Variants in IGSF11 observed in about 807,000 individuals in gnomAD.
The protein encoded by IGSF11 is CXADR like 1.
IGSF11 carries 22 observed loss-of-function variants against 41.0 expected under a neutral mutation model. The observed-to-expected ratio is 0.54, with a 90% CI of 0.38 to 0.77. IGSF11 has a LOEUF of 0.77. Among genes scored for constraint, IGSF11 ranks in the 30% least tolerant of loss-of-function variants. The pLI, the probability that IGSF11 is intolerant of heterozygous loss-of-function variation, is 0.00. For missense variants in IGSF11, 444 were observed against 530.8 expected, an observed-to-expected ratio of 0.84 and a Z score of 1.61; for synonymous variants, 219 against 201.3, an observed-to-expected ratio of 1.09 and a Z score of -0.74.
rs559209240 is a variant in IGSF11, at chr3:119,053,964, A to G, written c.49+51180T>C. Among the ~76,000 whole-genome samples, 17 of 152,316 alleles carry G rather than the reference A, an allele frequency of 1.1e-4. 1 individual carries two copies. In the South Asian group the frequency reaches 2.9e-3, roughly 26 times the overall value. On this transcript the variant is annotated intron_variant, in intron 1 of 6. Coordinates refer to the IGSF11 transcript ENST00000354673. The stretch of plus-strand genomic sequence containing the variant: ...GGTGCTGGGATAAATGGCAAGCCAC[A>G]TGTAGAAGAATGAAACTGGATCCTC...
At chr3:119,008,634 T>A (rs995120013) in intron 1 of IGSF11, among the ~76,000 whole-genome samples, 1 of 152,150 alleles carries the variant, frequency 6.6e-6, no homozygotes, top group Non-Finnish European at 1.5e-5. Context: ...GTCCACAGAG[T>A]GTTCCTGAAT....
chr3:119,073,274 C>T (rs1363146193), intron 1 of IGSF11, among the ~76,000 whole-genome samples: 6 of 152,234 alleles, frequency 3.9e-5, no homozygotes, highest in Non-Finnish European at 7.3e-5. Flanking sequence ...GATTTACAAT[C>T]CTCCAGCTAG....
chr3:119,113,244 C>G lies in IGSF11; in HGVS notation c.-13-8039G>C, dbSNP rs933444284. Among the ~76,000 whole-genome samples the G allele has an allele frequency of 9.2e-5, 14 of 152,282 alleles. No individual in the cohort carries two copies. In the East Asian group the frequency reaches 1.4e-3, roughly 15 times the overall value. Reference sequence around the variant, plus strand: ...TCTCCCATTTCATAATACAATTATGCCTTCCCAATAGTCCCCCAAAGTCTT... The same window carrying G: ...TCTCCCATTTCATAATACAATTATGGCTTCCCAATAGTCCCCCAAAGTCTT... On this transcript the variant is annotated intron_variant, in intron 1 of 7. Coordinates refer to the IGSF11 transcript ENST00000425327.
chr3:119,000,614 T>A (rs1936724274), intron 1 of IGSF11, among the ~76,000 whole-genome samples: 1 of 152,118 alleles, frequency 6.6e-6, no homozygotes, highest in Admixed American at 6.6e-5. Context: ...TCAAACCACT[T>A]CTCTTTCATC....
At chr3:119,015,483 C>T (rs1004916321) in intron 1 of IGSF11, among the ~76,000 whole-genome samples, 3 of 152,124 alleles carry the variant, frequency 2.0e-5, no homozygotes, top group Non-Finnish European at 4.4e-5. Flanking sequence ...ATATTTACCA[C>T]GACTTAAGGA....
intron 1 of IGSF11, among the ~76,000 whole-genome samples, chr3:119,049,115 C>G (rs1430744265): frequency 5.9e-4 from 90 of 151,852 alleles, no homozygotes; most frequent in African/African-American, 2.1e-3. Context: ...TCTCACCACT[C>G]CTGTTCAACA....
At chr3:118,908,760 T>C (rs1939910958) in intron 4 of IGSF11, among the ~76,000 whole-genome samples, 1 of 152,180 alleles carries the variant, frequency 6.6e-6, no homozygotes, top group African/African-American at 2.4e-5. Flanking sequence ...AAAACAAATG[T>C]TAGTGTACAT....
At chr3:119,125,796 T>C (rs1338294020) in intron 1 of IGSF11, among the ~76,000 whole-genome samples, 13 of 152,162 alleles carry the variant, frequency 8.5e-5, no homozygotes, top group Non-Finnish European at 1.3e-4. Context: ...AGTGTGGTGC[T>C]GCAGCCTACC....
intron 4 of IGSF11, among the ~76,000 whole-genome samples, chr3:118,909,183 G>A (rs935562767): frequency 3.9e-5 from 6 of 152,090 alleles, no homozygotes; most frequent in African/African-American, 1.4e-4. Context: ...AGGATTTGAA[G>A]AGTTAGATAA....
intron 4 of IGSF11, among the ~76,000 whole-genome samples, chr3:118,913,013 AG>A (rs1940536285): frequency 6.6e-6 from 1 of 152,072 alleles, no homozygotes; most frequent in South Asian, 2.1e-4. Context: ...AAAGAAGGAA[AG>A]AAAAGAAGAA....
chr3:119,047,125 G>C (rs146830211), intron 1 of IGSF11, among the ~76,000 whole-genome samples: 1 of 148,634 alleles, frequency 6.7e-6, no homozygotes, highest in South Asian at 2.3e-4. Context: ...CATAATGACA[G>C]GATCAAATTC....
chr3:119,044,248 T>G (rs1209932433), intron 1 of IGSF11, among the ~76,000 whole-genome samples: 2 of 152,080 alleles, frequency 1.3e-5, no homozygotes, highest in East Asian at 3.9e-4. Flanking sequence ...AAGACATACT[T>G]AGAGAAATGC....
At chr3:118,990,621 T>G (rs1488416602) in intron 1 of IGSF11, among the ~76,000 whole-genome samples, 1 of 152,244 alleles carries the variant, frequency 6.6e-6, no homozygotes, top group Non-Finnish European at 1.5e-5. Context: ...TAAAGAGTTA[T>G]AGCCAACACA....
chr3:119,007,465 T>A (rs1463489850), intron 1 of IGSF11, among the ~76,000 whole-genome samples: 13 of 152,106 alleles, frequency 8.5e-5, no homozygotes, highest in Admixed American at 8.5e-4. Flanking sequence ...GAGCTGTTCC[T>A]ATTCGGCCAT....
chr3:119,032,114 A>C (rs1411358406), intron 1 of IGSF11, among the ~76,000 whole-genome samples: 1 of 152,250 alleles, frequency 6.6e-6, no homozygotes, highest in Non-Finnish European at 1.5e-5. Flanking sequence ...GAAATTTATT[A>C]ACATCGATTT....
chr3:118,982,281 T>C (rs1934808733), intron 1 of IGSF11, among the ~76,000 whole-genome samples: 1 of 152,160 alleles, frequency 6.6e-6, no homozygotes, highest in African/African-American at 2.4e-5. Context: ...GAGACCACAA[T>C]ACCAAATTAG....
chr3:118,982,684 G>A (rs1484093858), intron 1 of IGSF11, among the ~76,000 whole-genome samples: 1 of 152,080 alleles, frequency 6.6e-6, no homozygotes, highest in Middle Eastern at 3.4e-3. Flanking sequence ...ATATCATTAA[G>A]GAGGATATCT....
At chr3:119,073,440 T>C (rs1027163486) in intron 1 of IGSF11, among the ~76,000 whole-genome samples, 1 of 152,254 alleles carries the variant, frequency 6.6e-6, no homozygotes, top group Non-Finnish European at 1.5e-5. Context: ...CTGGATGCCA[T>C]GGTGCCATGG....
rs572030371 is a variant in IGSF11 at position 119,011,978 on chromosome 3, C to CAT, written c.52+22551_52+22552dup. On this transcript the variant is annotated intron_variant, in intron 1 of 6. Coordinates refer to ENST00000393775, the MANE Select transcript of IGSF11 (RefSeq NM_001015887.3). ...GTGTGTGTGTGTGTGTGTATACACA[C>CAT]ATATATATAGGTATATATTCTTTCC... 8.9e-4 allele frequency among the ~76,000 whole-genome samples: 135 copies of CAT among 151,616 alleles called. 1 individual carries two copies. In the South Asian group the frequency reaches 0.028, roughly 31 times the overall value.
Sources: gnomAD v4.1 joint callset for allele counts (sites outside exome capture counted in the v4.1 genomes callset) on GRCh38, gnomAD v4.1.1 for gene constraint, MANE v1.5 for transcripts, NCBI Gene and HGNC (gene_info 2026-07-23, HGNC 2026-07-21) for gene names.